The following CDK8 variants were observed in gnomAD, a reference collection of about 807,000 sequenced individuals.
CDK8 encodes the protein cyclin dependent kinase 8.
In CDK8, 29 loss-of-function variants were observed where a neutral mutation model predicts 71.5. The observed-to-expected ratio is 0.41, with a 90% confidence interval of 0.30 to 0.55. The LOEUF is 0.55. Among genes scored for constraint, CDK8 ranks in the 20% least tolerant of loss-of-function variants. The pLI, the probability that CDK8 is intolerant of heterozygous loss-of-function variation, is 0.37. For missense variants in CDK8, 288 were observed against 572.6 expected (o/e 0.50, Z 5.07); for synonymous variants, 161 against 192.1 (o/e 0.84, Z 1.34).
chr13:26,387,264 G>C (rs1466485541), intron 6 of CDK8, among the ~76,000 whole-genome samples: 4 of 152,130 alleles, frequency 2.6e-5, no homozygotes, highest in African/African-American at 9.7e-5. Context: ...TTTCTTTACA[G>C]TCACTCTTTT....
intron 4 of CDK8, among the ~76,000 whole-genome samples, chr13:26,355,708 G>A (rs1047778105): frequency 6.6e-6 from 1 of 152,150 alleles, no homozygotes; most frequent in Non-Finnish European, 1.5e-5. Flanking sequence ...TTTGGCCATT[G>A]GGGTGGAGTC....
At position 26,401,595 on chromosome 13, in the gene CDK8, G is replaced by C; in HGVS notation, c.1240G>C (p.Gly414Arg). 6.2e-7 allele frequency: 1 copy of C among 1,614,142 alleles called. No homozygotes were observed. The highest frequency in any genetic ancestry group is 8.5e-7 in the Non-Finnish European group (1 of 1,180,010). ...VRVVPPTTTS[G>R]GLIMTSDYQR... ...AGTTGTTCCTCCTACCACTACCTCAGGTGGACTTATCATGACCTCAGACTA... is the reference window on the plus strand; with the variant it reads ...AGTTGTTCCTCCTACCACTACCTCACGTGGACTTATCATGACCTCAGACTA... Residue 414 changes from glycine to arginine, a missense_variant, in exon 12 of 13, where the codon GGT (glycine) becomes CGT (arginine). Around this residue, in one of 6 missense-constraint regions of CDK8, gnomAD observed 76 missense variants for 99.7 expected, o/e 0.76. Coordinates refer to ENST00000381527, the MANE Select transcript of CDK8 (RefSeq NM_001260.3). This position sits in a 1 kb window ranked among gnomAD's most constrained non-coding sequence, Gnocchi z 4.5.
intron 9 of CDK8, among the ~76,000 whole-genome samples, chr13:26,398,918 C>A (rs1299736582): frequency 6.7e-6 from 1 of 149,028 alleles, no homozygotes; most frequent in African/African-American, 2.5e-5. Context: ...GAGCCTAGAT[C>A]GTGCCACTGC....
intron 1 of CDK8, among the ~76,000 whole-genome samples, chr13:26,315,909 AT>A (rs1874490764): frequency 6.6e-6 from 1 of 152,132 alleles, no homozygotes; most frequent in Admixed American, 6.5e-5. Flanking sequence ...TGTAACATAT[AT>A]TTTGGAACCC....
chr13:26,299,105 G>T (rs1483092922), intron 1 of CDK8, among the ~76,000 whole-genome samples: 2 of 152,210 alleles, frequency 1.3e-5, no homozygotes, highest in Non-Finnish European at 2.9e-5. Flanking sequence ...ATAATGATCA[G>T]TCAGGGCATA....
At chr13:26,369,807 C>T (rs530455303) in intron 4 of CDK8, among the ~76,000 whole-genome samples, 18 of 149,822 alleles carry the variant, frequency 1.2e-4, no homozygotes, top group South Asian at 6.3e-4. Flanking sequence ...CCACCCAGCT[C>T]GGCCTCCCAA....
intron 1 of CDK8, among the ~76,000 whole-genome samples, chr13:26,262,130 C>T (rs1427756976): frequency 6.6e-6 from 1 of 152,196 alleles, no homozygotes; most frequent in Admixed American, 6.5e-5. Context: ...CTGACAGCCT[C>T]AGAAAAAAAT....
rs565855219 is a variant in CDK8, at chr13:26,332,719, A to AT, written c.129-4847dup. On this transcript the variant is annotated intron_variant, in intron 1 of 12. Transcript: ENST00000381527. ...ATGATGTTAGCTGTCGGTTTGTTAT[A>AT]TATGGCCTGTATTACTTTGAGCTAT... 1.2e-4 allele frequency among the ~76,000 whole-genome samples: 19 copies of AT among 152,256 alleles called. No homozygotes were observed. In the East Asian group the frequency reaches 2.5e-3, roughly 20 times the overall value.
At chr13:26,319,088 T>A (rs1874642016) in intron 1 of CDK8, among the ~76,000 whole-genome samples, 1 of 152,044 alleles carries the variant, frequency 6.6e-6, no homozygotes, top group South Asian at 2.1e-4. Context: ...TAAAAGTGAG[T>A]ATACAAAAAT....
intron 1 of CDK8, among the ~76,000 whole-genome samples, chr13:26,277,096 T>C (rs17083613): frequency 6.6e-6 from 1 of 152,222 alleles, no homozygotes; most frequent in East Asian, 1.9e-4. Context: ...TGCAGCTCTG[T>C]GTGCCTATTC....
intron 1 of CDK8, among the ~76,000 whole-genome samples, chr13:26,277,075 C>T (rs1403279309): frequency 6.6e-6 from 1 of 152,166 alleles, no homozygotes; most frequent in African/African-American, 2.4e-5. Flanking sequence ...TTCAGAAGAA[C>T]ACACAAACAA....
chr13:26,263,714 C>T (rs908205166), intron 1 of CDK8, among the ~76,000 whole-genome samples: 1 of 151,818 alleles, frequency 6.6e-6, no homozygotes, highest in African/African-American at 2.4e-5. Context: ...GCTGGGATTA[C>T]AGGCGTGAGC....
intron 1 of CDK8, among the ~76,000 whole-genome samples, chr13:26,264,521 G>T (rs17083527): frequency 0.022 from 3,416 of 152,116 alleles, 101 homozygotes; most frequent in South Asian, 0.083. Context: ...TTATATGATT[G>T]GTTCTTGTAC....
intron 1 of CDK8, among the ~76,000 whole-genome samples, chr13:26,305,345 T>C (rs1565965078): frequency 6.6e-6 from 1 of 152,340 alleles, no homozygotes; most frequent in South Asian, 2.1e-4. Context: ...AACTGTTTCT[T>C]TTCAGGTGAT....
At chr13:26,363,276 C>T (rs1217574827) in intron 4 of CDK8, among the ~76,000 whole-genome samples, 4 of 130,750 alleles carry the variant, frequency 3.1e-5, no homozygotes, top group African/African-American at 6.1e-5. Context: ...GGCAGTGAGC[C>T]GAGATCGCAC....
chr13:26,274,674 G>T (rs911219685), intron 1 of CDK8, among the ~76,000 whole-genome samples: 1 of 151,958 alleles, frequency 6.6e-6, no homozygotes, highest in Admixed American at 6.6e-5. Flanking sequence ...CTCGTGATCC[G>T]CCCGGCTCAT....
chr13:26,389,303 G>T (rs1222742773), intron 6 of CDK8, among the ~76,000 whole-genome samples: 7 of 152,066 alleles, frequency 4.6e-5, no homozygotes, highest in African/African-American at 1.4e-4. Context: ...GGGGTTACAG[G>T]CTTGTGCCAC....
intron 1 of CDK8, among the ~76,000 whole-genome samples, chr13:26,323,340 G>GGAGAGA (rs1874876869): frequency 1.9e-4 from 1 of 5,338 alleles, no homozygotes; most frequent in African/African-American, 2.5e-4. Context: ...AGAGAGAGAG[G>GGAGAGA]GAGAGGGAGA....
intron 1 of CDK8, among the ~76,000 whole-genome samples, chr13:26,315,269 A>G (rs1432355797): frequency 6.6e-6 from 1 of 152,182 alleles, no homozygotes; most frequent in Non-Finnish European, 1.5e-5. Flanking sequence ...GAAACTTGAA[A>G]CTTTAGGTAG....
Sources: gnomAD v4.1 joint callset for allele counts (sites outside exome capture counted in the v4.1 genomes callset) on GRCh38, gnomAD v4.1.1 for gene constraint, gnomAD v4.1.1 regional missense constraint, Gnocchi (gnomAD v3.1) non-coding constraint, MANE v1.5 for transcripts, NCBI Gene and HGNC (gene_info 2026-07-23, HGNC 2026-07-21) for gene names.